The following TMEM266 variants were observed in gnomAD, a reference collection of about 807,000 sequenced individuals.
TMEM266 encodes the protein Hv1 related protein 1.
In TMEM266, 33 loss-of-function variants were observed where a neutral mutation model predicts 50.5. The observed-to-expected ratio is 0.65, with a 90% CI of 0.50 to 0.87. TMEM266 has a LOEUF of 0.87. TMEM266 is among the 40% of genes least tolerant of loss of function. The pLI is 0.00. For synonymous variants in TMEM266, 310 were observed against 292.3 expected (o/e 1.06, Z -0.62); for missense variants, 655 against 695.1 (o/e 0.94, Z 0.65).
chr15:76,160,077 T>C lies in TMEM266; in HGVS notation c.383-18T>C. ...AATTCCTCACTCCTAAAATTGGTCC[T>C]TATCGTGTCCATTGCAGTTTCCAGC... On this transcript the variant is annotated intron_variant, in intron 4 of 10. Coordinates refer to ENST00000388942, the MANE Select transcript of TMEM266 (RefSeq NM_152335.3). The surrounding 1 kb of genome is among the most constrained non-coding windows in gnomAD (Gnocchi z 5.7). 1 of 1,613,444 alleles carries C rather than the reference T, an allele frequency of 6.2e-7. No individual in the cohort carries two copies. Among genetic ancestry groups the C allele is most frequent in the South Asian group, 1.1e-5 (1 of 91,074 alleles).
intron 1 of TMEM266, among the ~76,000 whole-genome samples, chr15:76,124,780 T>C (rs1353091872): frequency 1.3e-5 from 2 of 152,100 alleles, no homozygotes; most frequent in Non-Finnish European, 2.9e-5. Flanking sequence ...GCCTTGATGA[T>C]GGAGTGAGAC....
intron 9 of TMEM266, among the ~76,000 whole-genome samples, chr15:76,198,775 A>C (rs1400571075): frequency 1.6e-5 from 2 of 121,276 alleles, no homozygotes; most frequent in Non-Finnish European, 3.7e-5. Context: ...CCAAGTGTTC[A>C]GTTCTGGAAG....
intron 1 of TMEM266, among the ~76,000 whole-genome samples, chr15:76,082,708 C>T (rs1433154477): frequency 6.6e-6 from 1 of 152,166 alleles, no homozygotes; most frequent in Non-Finnish European, 1.5e-5. Flanking sequence ...GTGGCTCATG[C>T]CTGTAATCCC....
chr15:76,135,932 G>A (rs1278184849), intron 2 of TMEM266, among the ~76,000 whole-genome samples: 1 of 149,466 alleles, frequency 6.7e-6, no homozygotes, highest in African/African-American at 2.4e-5. Context: ...CGGGATAACT[G>A]CAGCTGTGGG....
chr15:76,133,440 A>AT (rs1012229893), intron 1 of TMEM266, among the ~76,000 whole-genome samples: 191 of 152,296 alleles, frequency 1.3e-3, no homozygotes, highest in African/African-American at 3.8e-3. Context: ...CCATCTAAAA[A>AT]AAATAAATAA....
chr15:76,090,111 T>C (rs942875255), intron 1 of TMEM266, among the ~76,000 whole-genome samples: 1 of 152,192 alleles, frequency 6.6e-6, no homozygotes, highest in South Asian at 2.1e-4. Flanking sequence ...GAAATCATAG[T>C]GCTAGATGAG....
rs562211295 is a variant in TMEM266 at position 76,192,869 on chromosome 15, G to A, written c.958+712G>A. ...TCACAGGGCTGCTGCGAGGCTCAGA[G>A]GTTTCGGGAATTGCACGGGGCCACC... On this transcript the variant is annotated intron_variant, in intron 9 of 10. Transcript: ENST00000388942. 2.5e-4 allele frequency among the ~76,000 whole-genome samples: 38 copies of A among 152,376 alleles called. 1 individual carries two copies. In the South Asian group the frequency reaches 7.7e-3, roughly 31 times the overall value.
rs114677002 is a variant in TMEM266, at chr15:76,180,510, G to A, written c.768+4836G>A. ...CACATCAAGAGGACACACTGGCCAC[G>A]TGACTTCTCACTGTGATGCGGCCTG... On this transcript the variant is annotated intron_variant, in intron 8 of 10. Coordinates refer to ENST00000388942, the MANE Select transcript of TMEM266 (RefSeq NM_152335.3). Among the ~76,000 whole-genome samples, 720 of 151,650 alleles carry A rather than the reference G, an allele frequency of 4.7e-3. 2 individuals are homozygous for A. The highest frequency in any genetic ancestry group is 0.017 in the African/African-American group (698 of 41,362).
At chr15:76,185,190 A>G (rs2142075737) in intron 8 of TMEM266, among the ~76,000 whole-genome samples, 1 of 152,274 alleles carries the variant, frequency 6.6e-6, no homozygotes, top group African/African-American at 2.4e-5. Context: ...GTTCTTGGCC[A>G]TGGTTTCTTT....
At chr15:76,191,709 C>G (rs1438248018) in intron 8 of TMEM266, 2 of 437,890 alleles carry the variant, frequency 4.6e-6, no homozygotes, top group Middle Eastern at 5.8e-4. Context: ...GTTTCCTCTC[C>G]CGGGCATCCG....
At chr15:76,192,325 C>T (rs373367946) in intron 9 of TMEM266, among the ~76,000 whole-genome samples, 168 bp downstream of exon 9, 9 of 152,132 alleles carry the variant, frequency 5.9e-5, no homozygotes, top group Middle Eastern at 3.4e-3. Context: ...CTCGGTACTG[C>T]CTGTCAGAGC....
intron 1 of TMEM266, among the ~76,000 whole-genome samples, chr15:76,088,719 C>G (rs559366170): frequency 3.2e-4 from 49 of 151,954 alleles, no homozygotes; most frequent in Non-Finnish European, 7.1e-4. Flanking sequence ...ATGGCATGAA[C>G]CCGGGAGGCG....
intron 1 of TMEM266, among the ~76,000 whole-genome samples, chr15:76,127,531 G>A (rs1397609885): frequency 6.6e-6 from 1 of 151,994 alleles, no homozygotes. Flanking sequence ...TTGCCATGTT[G>A]GCCAAGCTGG....
intron 7 of TMEM266, among the ~76,000 whole-genome samples, chr15:76,173,009 G>T (rs144134431): frequency 6.6e-6 from 1 of 152,122 alleles, no homozygotes; most frequent in South Asian, 2.1e-4. Flanking sequence ...CAGGCATCAC[G>T]GAGCTACCGG....
Position 76,204,522 on chromosome 15 carries a change from G to C in TMEM266, c.*207G>C. 1 of 476,378 alleles carries C rather than the reference G, an allele frequency of 2.1e-6. No individual in the cohort carries two copies. The highest frequency in any genetic ancestry group is 3.7e-6 in the Non-Finnish European group (1 of 269,994). The allele number at this position is 476,378 out of a possible 1,614,324, so 29.5% of individuals were successfully genotyped here. A position where few individuals can be genotyped will look rare whatever the true frequency, so the allele number is the denominator to read the frequency against. Reference sequence around the variant, plus strand: ...CAGAGCTGGCGCCTCTTCTCGCCCTGCTCAGGGGAGGGTGGTGCTCGTGGC... The same window carrying C: ...CAGAGCTGGCGCCTCTTCTCGCCCTCCTCAGGGGAGGGTGGTGCTCGTGGC... On this transcript the variant is annotated 3_prime_UTR_variant, in exon 11 of 11. Transcript: ENST00000388942.
chr15:76,137,457 C>T (rs551203723), intron 2 of TMEM266, among the ~76,000 whole-genome samples: 5 of 152,246 alleles, frequency 3.3e-5, no homozygotes, highest in African/African-American at 1.2e-4. Context: ...CACTAAAGCT[C>T]ATATTTCCAG....
intron 9 of TMEM266, among the ~76,000 whole-genome samples, chr15:76,200,387 G>T (rs2142090901): frequency 6.6e-6 from 1 of 152,330 alleles, no homozygotes; most frequent in Non-Finnish European, 1.5e-5. Flanking sequence ...CGCCATCGGG[G>T]TACAGATGAA....
intron 1 of TMEM266, chr15:76,111,936 A>G (rs988358928): frequency 6.6e-6 from 1 of 152,248 alleles, no homozygotes; most frequent in Non-Finnish European, 1.5e-5. Flanking sequence ...ATAATGCAAT[A>G]TTTATCAGGA....
chr15:76,163,177 G>A (rs1294500280), intron 5 of TMEM266, among the ~76,000 whole-genome samples: 1 of 152,234 alleles, frequency 6.6e-6, no homozygotes, highest in Non-Finnish European at 1.5e-5. Flanking sequence ...CTGGGTGGGT[G>A]AGCGGGCCTC....
Sources: gnomAD v4.1 joint callset for allele counts (sites outside exome capture counted in the v4.1 genomes callset) on GRCh38, gnomAD v4.1.1 for gene constraint, Gnocchi (gnomAD v3.1) non-coding constraint, MANE v1.5 for transcripts, NCBI Gene and HGNC (gene_info 2026-07-23, HGNC 2026-07-21) for gene names.